PDIA3: variants seen among roughly 807,000 people sequenced by gnomAD.
The protein encoded by PDIA3 is protein disulfide-isomerase A3.
Under a neutral mutation model 56.9 loss-of-function variants are expected in PDIA3, and 16 were observed. That is an observed-to-expected ratio of 0.28 (90% CI 0.19 to 0.43). The LOEUF (loss-of-function observed/expected upper bound fraction) is 0.43. PDIA3 is among the 20% of genes least tolerant of loss of function. The pLI, the probability that PDIA3 is intolerant of heterozygous loss-of-function variation, is 1.00. For synonymous variants in PDIA3, 192 were observed against 216.5 expected, an observed-to-expected ratio of 0.89 and a Z score of 0.99; for missense variants, 485 against 621.3, an observed-to-expected ratio of 0.78 and a Z score of 2.33.
intron 5 of PDIA3, among the ~76,000 whole-genome samples, chr15:43,763,588 G>T (rs1393677898): frequency 6.6e-6 from 1 of 152,042 alleles, no homozygotes; most frequent in Admixed American, 6.6e-5. Flanking sequence ...TTTCCCAAGG[G>T]TTTATTGAGT....
chr15:43,763,307 C>T lies in PDIA3; in HGVS notation c.602+101C>T. 3.0e-6 allele frequency: 4 copies of T among 1,326,616 alleles called. No individual in the cohort carries two copies. In the East Asian group the frequency reaches 9.6e-5, roughly 32 times the overall value. 82.2% of individuals were successfully genotyped at this position (1,326,616 alleles called of 1,614,324 possible). A position where few individuals can be genotyped will look rare whatever the true frequency, so the allele number is the denominator to read the frequency against. On this transcript the variant is annotated intron_variant, in intron 5 of 12. Coordinates refer to ENST00000300289, the MANE Select transcript of PDIA3 (RefSeq NM_005313.5). ...TCACTCTGTCACCCAGGCTGGAGTG[C>T]AGTGGTGCAATCTCTGCTCACTGCA... is the stretch of plus-strand genomic sequence containing the variant.
chr15:43,759,222 G>A (rs1382714576), intron 3 of PDIA3, among the ~76,000 whole-genome samples: 2 of 152,108 alleles, frequency 1.3e-5, no homozygotes, highest in African/African-American at 2.4e-5. Flanking sequence ...CCCTGGAGGC[G>A]GAGCTTGCAG....
intron 1 of PDIA3, among the ~76,000 whole-genome samples, chr15:43,751,376 A>G (rs1267550791): frequency 6.6e-6 from 1 of 152,180 alleles, no homozygotes; most frequent in Non-Finnish European, 1.5e-5. Context: ...GCACTTATCA[A>G]AAAGTACTTG....
At chr15:43,753,057 A>G (rs898444810) in intron 1 of PDIA3, 18 of 346,444 alleles carry the variant, frequency 5.2e-5, no homozygotes, top group Non-Finnish European at 9.8e-5. Context: ...GAGACATTAC[A>G]GGGTTTCAGT....
At chr15:43,760,817 C>T (rs1288556956) in intron 3 of PDIA3, among the ~76,000 whole-genome samples, 2 of 151,514 alleles carry the variant, frequency 1.3e-5, no homozygotes, top group East Asian at 3.9e-4. Context: ...AGGCGTGAGC[C>T]ACAGCACCCG....
At chr15:43,766,683 A>G in intron 7 of PDIA3, 45 bp from the exon 8 acceptor site, 1 of 1,537,182 alleles carries the variant, frequency 6.5e-7, no homozygotes, top group South Asian at 1.2e-5. Context: ...AAAGTGCTTG[A>G]CCACCCTGTA....
At chr15:43,753,163 C>T (rs1173057668) in intron 1 of PDIA3, among the ~76,000 whole-genome samples, 1 of 151,728 alleles carries the variant, frequency 6.6e-6, no homozygotes, top group Non-Finnish European at 1.5e-5. Flanking sequence ...CTGCAACCTC[C>T]ACCTCCCAGG....
chr15:43,763,340 C>G (rs933059275), intron 5 of PDIA3, 134 bp downstream of exon 5: 29 of 965,586 alleles, frequency 3.0e-5, no homozygotes, highest in Non-Finnish European at 4.3e-5. Flanking sequence ...GCAGCCTCCA[C>G]CTCCCAGGTT....
At chr15:43,769,167 T>C (rs2086866452) in intron 9 of PDIA3, among the ~76,000 whole-genome samples, 1 of 152,238 alleles carries the variant, frequency 6.6e-6, no homozygotes, top group African/African-American at 2.4e-5. Flanking sequence ...TGTGTTGCTT[T>C]GAATTTTTTA....
intron 12 of PDIA3, 119 bp from the exon 13 acceptor site, chr15:43,770,986 A>T: frequency 1.5e-6 from 1 of 667,370 alleles, no homozygotes; most frequent in South Asian, 1.9e-5. Context: ...TTAAACTCTC[A>T]TGGGCAGTAT....
At chr15:43,761,598 G>C in intron 4 of PDIA3, 67 bp downstream of exon 4, 1 of 849,206 alleles carries the variant, frequency 1.2e-6, no homozygotes, top group South Asian at 1.5e-5. Flanking sequence ...TCCATGTCTG[G>C]GAAAACCACA....
chr15:43,746,873 C>G (rs1197519655), intron 1 of PDIA3, 167 bp downstream of exon 1: 2 of 745,410 alleles, frequency 2.7e-6, no homozygotes, highest in Non-Finnish European at 4.4e-6. Context: ...TCGCCGAGAG[C>G]GGGGGAGTCG....
Position 43,768,519 on chromosome 15 carries a change from G to A in PDIA3, c.1059G>A (p.Leu353=), listed in dbSNP as rs754974259. 1.9e-6 allele frequency: 3 copies of A among 1,613,862 alleles called. No individual in the cohort carries two copies. Among genetic ancestry groups the A allele is most frequent in the Non-Finnish European group, 2.5e-6 (3 of 1,179,778 alleles). The change falls in exon 9 of 13, where the codon CTG becomes CTA. Residue 353 remains leucine, a synonymous_variant. Coordinates refer to ENST00000300289, the MANE Select transcript of PDIA3 (RefSeq NM_005313.5). ...SRDGKALERF[L]QDYFDGNLKR... ...ATGGGAAGGCTCTGGAGAGGTTCCT[G>A]CAGGATTACTTTGATGGCAATCTGA...
intron 2 of PDIA3, among the ~76,000 whole-genome samples, chr15:43,754,344 A>T (rs934692288): frequency 3.4e-5 from 5 of 148,942 alleles, no homozygotes; most frequent in Non-Finnish European, 5.9e-5. Context: ...CAGTGAGCCG[A>T]GATCGGGCCA....
intron 1 of PDIA3, 131 bp downstream of exon 1, chr15:43,746,837 T>C (rs1195819470): frequency 3.7e-5 from 39 of 1,060,282 alleles, no homozygotes; most frequent in Admixed American, 1.9e-4. Flanking sequence ...CGGGCACATT[T>C]CTCATTCCCG....
intron 3 of PDIA3, among the ~76,000 whole-genome samples, chr15:43,760,531 T>C (rs12442692): frequency 4.6e-3 from 141 of 30,872 alleles, no homozygotes; most frequent in East Asian, 0.028. Flanking sequence ...AAAAAAAAAC[T>C]TTTTTTTTTT....
chr15:43,769,400 C>A, intron 9 of PDIA3, 118 bp from the exon 10 acceptor site: 1 of 929,332 alleles, frequency 1.1e-6, no homozygotes, highest in Non-Finnish European at 1.6e-6. Flanking sequence ...ATTTGGGTTT[C>A]CATGACTTAT....
At chr15:43,747,696 T>G (rs2086716379) in intron 1 of PDIA3, among the ~76,000 whole-genome samples, 1 of 152,142 alleles carries the variant, frequency 6.6e-6, no homozygotes, top group South Asian at 2.1e-4. Context: ...ATTTTTCCCC[T>G]CCTGGCACAG....
chr15:43,750,239 C>T (rs2086735212), intron 1 of PDIA3, among the ~76,000 whole-genome samples: 1 of 143,978 alleles, frequency 6.9e-6, no homozygotes, highest in Non-Finnish European at 1.5e-5. Context: ...TGGTCTTGAA[C>T]TCCTGACTTC....
Sources: allele counts gnomAD v4.1 joint callset (sites outside exome capture counted in the v4.1 genomes callset), GRCh38; gene constraint gnomAD v4.1.1; transcripts MANE v1.5; gene names NCBI Gene and HGNC (gene_info 2026-07-23, HGNC 2026-07-21).